The following AUTS2 variants were observed in gnomAD, a reference collection of about 807,000 sequenced individuals.
The protein encoded by AUTS2 is autism susceptibility gene 2 protein.
A neutral mutation model predicts 112.4 loss-of-function variants in AUTS2; 17 were observed. That is an observed-to-expected ratio of 0.15 (90% confidence interval 0.10 to 0.23). The LOEUF (loss-of-function observed/expected upper bound fraction) is 0.23. Among genes scored for constraint, AUTS2 ranks in the 10% least tolerant of loss-of-function variants. The pLI is 1.00. For missense variants in AUTS2, 1,510 were observed against 1,701.6 expected (o/e 0.89, Z 1.98); for synonymous variants, 751 against 702.7 (o/e 1.07, Z -1.09).
intron 1 of AUTS2, among the ~76,000 whole-genome samples, chr7:69,817,757 G>A (rs576207181): frequency 1.9e-4 from 29 of 152,298 alleles, no homozygotes; most frequent in African/African-American, 3.4e-4. Flanking sequence ...AGCCCTGCCC[G>A]GGGATGTGGG....
At chr7:69,658,739 A>G (rs189789242) in intron 1 of AUTS2, among the ~76,000 whole-genome samples, 2 of 152,332 alleles carry the variant, frequency 1.3e-5, no homozygotes, top group East Asian at 3.9e-4. Flanking sequence ...TATATAATGC[A>G]TTATTTCTTA....
chr7:70,720,451 C>G (rs1245810061), intron 6 of AUTS2, among the ~76,000 whole-genome samples: 2 of 152,144 alleles, frequency 1.3e-5, no homozygotes, highest in African/African-American at 2.4e-5. Flanking sequence ...TGCTTGAGAG[C>G]TTTTCAGCAT....
intron 1 of AUTS2, among the ~76,000 whole-genome samples, chr7:69,765,025 G>T (rs921676692): frequency 1.3e-5 from 2 of 152,184 alleles, no homozygotes; most frequent in African/African-American, 4.8e-5. Context: ...TTTTCCAGCA[G>T]AATGAGAGAA....
At position 69,886,290 on chromosome 7, in the gene AUTS2, A is replaced by T. The variant is rs1024188457; in HGVS notation, c.310-12996A>T. On this transcript the variant is annotated intron_variant, in intron 1 of 18. Coordinates refer to ENST00000342771, the MANE Select transcript of AUTS2 (RefSeq NM_015570.4). ...TCTGTAAGAGAAGGAATGCCTGCAC[A>T]TCTTCAATAGGAAGTTGACAACAGT... 2.0e-5 allele frequency among the ~76,000 whole-genome samples: 3 copies of T among 152,256 alleles called. No individual in the cohort carries two copies. The East Asian group carries it at 5.8e-4, about 29-fold the overall frequency.
chr7:70,122,853 C>T (rs1176658655), intron 3 of AUTS2, among the ~76,000 whole-genome samples: 1 of 144,626 alleles, frequency 6.9e-6, no homozygotes, highest in Non-Finnish European at 1.5e-5. Context: ...CTGAAATCTG[C>T]TGAGATGAAA....
At chr7:69,775,400 T>C (rs1788848803) in intron 1 of AUTS2, among the ~76,000 whole-genome samples, 1 of 152,200 alleles carries the variant, frequency 6.6e-6, no homozygotes, top group African/African-American at 2.4e-5. Context: ...CCCATTGGCC[T>C]CACTTTAACC....
chr7:69,798,388 T>C (rs1419822306), intron 1 of AUTS2, among the ~76,000 whole-genome samples: 3 of 152,200 alleles, frequency 2.0e-5, no homozygotes, highest in Non-Finnish European at 4.4e-5. Context: ...AACGTTGCAT[T>C]ACCCCCTCTT....
At chr7:70,289,297 A>G (rs1001626842) in intron 4 of AUTS2, among the ~76,000 whole-genome samples, 1 of 152,256 alleles carries the variant, frequency 6.6e-6, no homozygotes, top group East Asian at 1.9e-4. Flanking sequence ...TTGTAACTGC[A>G]TAAGAATCCA....
rs140236526 is a variant in AUTS2 at position 70,173,641 on chromosome 7, A to C, written c.660+39070A>C. ...AATTAAAGTTTTGTGTAAACCTTACATCAAGCAAGTCTGTCAGCACCGTTT... is the reference window on the plus strand; with the variant it reads ...AATTAAAGTTTTGTGTAAACCTTACCTCAAGCAAGTCTGTCAGCACCGTTT... On this transcript the variant is annotated intron_variant, in intron 4 of 18. Coordinates refer to ENST00000342771, the MANE Select transcript of AUTS2 (RefSeq NM_015570.4). Among the ~76,000 whole-genome samples the C allele has an allele frequency of 1.8e-4, 27 of 152,336 alleles. No homozygotes were observed. In the East Asian group the frequency reaches 4.8e-3, roughly 27 times the overall value.
chr7:70,593,138 C>T (rs887370742), intron 5 of AUTS2, among the ~76,000 whole-genome samples: 3 of 152,090 alleles, frequency 2.0e-5, no homozygotes, highest in Non-Finnish European at 2.9e-5. Flanking sequence ...AGGCATGAAC[C>T]ACCATGCCTG....
At chr7:70,169,749 A>G (rs888203920) in intron 4 of AUTS2, among the ~76,000 whole-genome samples, 1 of 152,218 alleles carries the variant, frequency 6.6e-6, no homozygotes, top group South Asian at 2.1e-4. Flanking sequence ...ACTCATTTAA[A>G]TATCTACCAA....
intron 4 of AUTS2, among the ~76,000 whole-genome samples, chr7:70,155,950 A>G (rs1191428413): frequency 6.6e-6 from 1 of 152,130 alleles, no homozygotes; most frequent in Non-Finnish European, 1.5e-5. Context: ...CTTGGAAAGG[A>G]CATCTGAAGG....
At chr7:70,007,937 T>G (rs2129553824) in intron 2 of AUTS2, among the ~76,000 whole-genome samples, 1 of 152,342 alleles carries the variant, frequency 6.6e-6, no homozygotes, top group East Asian at 1.9e-4. Context: ...GGGTGAATGA[T>G]TGCTCAGTTT....
intron 4 of AUTS2, among the ~76,000 whole-genome samples, chr7:70,401,625 C>T (rs1794330690): frequency 1.3e-5 from 2 of 152,116 alleles, no homozygotes; most frequent in Admixed American, 1.3e-4. Flanking sequence ...CAGAATGAAG[C>T]TTGAAGAAGG....
At chr7:69,854,487 A>AAT (rs1258070287) in intron 1 of AUTS2, among the ~76,000 whole-genome samples, 2 of 152,136 alleles carry the variant, frequency 1.3e-5, no homozygotes, top group Non-Finnish European at 2.9e-5. Flanking sequence ...TATTTGCTTC[A>AAT]ATGAAAGGTA....
chr7:70,612,021 G>A (rs1324043894), intron 5 of AUTS2, among the ~76,000 whole-genome samples: 1 of 152,150 alleles, frequency 6.6e-6, no homozygotes, highest in Non-Finnish European at 1.5e-5. Flanking sequence ...TCTGGAGTGT[G>A]TATAATGTAT....
At chr7:70,611,546 A>C (rs550829406) in intron 5 of AUTS2, among the ~76,000 whole-genome samples, 8 of 152,344 alleles carry the variant, frequency 5.3e-5, no homozygotes, top group Admixed American at 5.2e-4. Context: ...CTGTTATTTT[A>C]GGTTGCCTGT....
chr7:70,108,534 A>G (rs577238364), intron 2 of AUTS2, among the ~76,000 whole-genome samples: 1 of 152,002 alleles, frequency 6.6e-6, no homozygotes, highest in African/African-American at 2.4e-5. Context: ...CCCCCTTCCC[A>G]ATAGGTATTG....
intron 1 of AUTS2, among the ~76,000 whole-genome samples, chr7:69,841,967 C>T (rs1174153738): frequency 6.6e-6 from 1 of 152,130 alleles, no homozygotes; most frequent in African/African-American, 2.4e-5. Context: ...GAGACGAGTG[C>T]ATAGATAAGG....
Sources: allele counts gnomAD v4.1 joint callset (sites outside exome capture counted in the v4.1 genomes callset), GRCh38; gene constraint gnomAD v4.1.1; transcripts MANE v1.5; gene names NCBI Gene and HGNC (gene_info 2026-07-23, HGNC 2026-07-21).